SGCD: variants seen among roughly 807,000 people sequenced by gnomAD.
SGCD encodes the protein delta-sarcoglycan.
SGCD carries 18 observed loss-of-function variants against 36.6 expected under a neutral mutation model. The observed-to-expected ratio is 0.49, with a 90% CI of 0.34 to 0.73. The LOEUF (loss-of-function observed/expected upper bound fraction) is 0.73. Ranked by LOEUF, SGCD falls within the 30% of genes least tolerant of loss-of-function variation. The probability of loss-of-function intolerance (pLI) is 0.01; values close to 1 mark genes in which losing one functional copy is unlikely to be tolerated. For synonymous variants in SGCD, 133 were observed against 130.6 expected, an observed-to-expected ratio of 1.02 and a Z score of -0.12; for missense variants, 387 against 346.7, an observed-to-expected ratio of 1.12 and a Z score of -0.92.
chr5:156,024,733 A>G (rs1195140970), intron 1 of SGCD, among the ~76,000 whole-genome samples: 1 of 152,154 alleles, frequency 6.6e-6, no homozygotes, highest in Non-Finnish European at 1.5e-5. Context: ...TGAGATGGGC[A>G]GATTGCCTGA....
chr5:156,415,715 C>G (rs1772995637), intron 3 of SGCD, among the ~76,000 whole-genome samples: 1 of 152,090 alleles, frequency 6.6e-6, no homozygotes. Flanking sequence ...TATTCAATGG[C>G]CTGTCCTCTG....
At chr5:156,289,794 C>T (rs919037978) in intron 3 of SGCD, among the ~76,000 whole-genome samples, 2 of 152,066 alleles carry the variant, frequency 1.3e-5, no homozygotes, top group Non-Finnish European at 2.9e-5. Flanking sequence ...GCCAGGATTA[C>T]AGGTGTGAGC....
chr5:156,687,176 A>G (rs1753934396), intron 7 of SGCD, among the ~76,000 whole-genome samples: 1 of 152,214 alleles, frequency 6.6e-6, no homozygotes. Context: ...AGGGCAGGCT[A>G]GAGGCTGAGG....
At chr5:156,359,830 C>G (rs1219391909) in intron 3 of SGCD, among the ~76,000 whole-genome samples, 2 of 152,178 alleles carry the variant, frequency 1.3e-5, no homozygotes, top group African/African-American at 2.4e-5. Context: ...ATTGTTTTCT[C>G]TTTGTGTTTT....
At chr5:156,448,518 G>A (rs1459237604) in intron 3 of SGCD, among the ~76,000 whole-genome samples, 1 of 152,016 alleles carries the variant, frequency 6.6e-6, no homozygotes, top group Non-Finnish European at 1.5e-5. Flanking sequence ...CATCTTTTCA[G>A]GGTTCAGAAG....
chr5:156,209,179 C>T (rs1171514185), intron 3 of SGCD, among the ~76,000 whole-genome samples: 3 of 152,190 alleles, frequency 2.0e-5, no homozygotes, highest in Non-Finnish European at 2.9e-5. Context: ...CAGAATTTCA[C>T]AGCCTCTGGC....
intron 1 of SGCD, among the ~76,000 whole-genome samples, chr5:155,917,382 T>C (rs1196867835): frequency 6.6e-6 from 1 of 152,192 alleles, no homozygotes; most frequent in East Asian, 1.9e-4. Context: ...AATGGATAGT[T>C]GGTTGCATAT....
chr5:156,111,108 A>C (rs966929068), intron 1 of SGCD, among the ~76,000 whole-genome samples: 1 of 152,200 alleles, frequency 6.6e-6, no homozygotes, highest in Admixed American at 6.6e-5. Flanking sequence ...AATGAGAAAA[A>C]AGAAGAGAGG....
chr5:156,224,558 C>T (rs1218010070), intron 3 of SGCD, among the ~76,000 whole-genome samples: 2 of 152,014 alleles, frequency 1.3e-5, no homozygotes, highest in Non-Finnish European at 2.9e-5. Flanking sequence ...TTTAAGTTTA[C>T]GAAATGGCAG....
At chr5:156,616,161 C>G (rs531555622) in intron 6 of SGCD, among the ~76,000 whole-genome samples, 1 of 152,178 alleles carries the variant, frequency 6.6e-6, no homozygotes, top group African/African-American at 2.4e-5. Flanking sequence ...TGTATTCTGT[C>G]TTCAGCTCTG....
chr5:155,972,892 C>T (rs1469569615), intron 1 of SGCD, among the ~76,000 whole-genome samples: 3 of 152,092 alleles, frequency 2.0e-5, no homozygotes, highest in African/African-American at 7.2e-5. Flanking sequence ...TGCCCCTTGC[C>T]CATTTTTCAA....
At chr5:156,399,911 T>A (rs974887223) in intron 3 of SGCD, among the ~76,000 whole-genome samples, 1 of 152,168 alleles carries the variant, frequency 6.6e-6, no homozygotes, top group Non-Finnish European at 1.5e-5. Flanking sequence ...GACAATCATG[T>A]GATGAAAATA....
intron 6 of SGCD, among the ~76,000 whole-genome samples, chr5:156,597,281 A>G (rs571905408): frequency 2.7e-5 from 4 of 150,856 alleles, no homozygotes; most frequent in Admixed American, 2.0e-4. Context: ...AGGCGAGTAT[A>G]TTAGTCTGTT....
the SGCD span, among the ~76,000 whole-genome samples, chr5:155,827,650 A>G: frequency 1.3e-5 from 2 of 150,286 alleles, no homozygotes; most frequent in African/African-American, 2.4e-5. Context: ...AGCCGGGCAC[A>G]TAGCCTCTTC....
At chr5:155,949,318 G>A (rs1342850761) in intron 1 of SGCD, among the ~76,000 whole-genome samples, 1 of 152,148 alleles carries the variant, frequency 6.6e-6, no homozygotes, top group East Asian at 1.9e-4. Flanking sequence ...AGTGTCAAAT[G>A]ACCTTCATAA....
intron 1 of SGCD, among the ~76,000 whole-genome samples, chr5:155,939,235 T>C (rs1412934907): frequency 6.6e-6 from 1 of 152,226 alleles, no homozygotes; most frequent in African/African-American, 2.4e-5. Flanking sequence ...ATGATAAGTA[T>C]GTGAGGTAAT....
chr5:155,819,098 C>A, the SGCD span, among the ~76,000 whole-genome samples: 6 of 152,220 alleles, frequency 3.9e-5, no homozygotes, highest in Non-Finnish European at 7.4e-5. Context: ...GTAAATCTGC[C>A]TCTCTGGGAC....
rs541347123 is a variant in SGCD at position 156,143,200 on chromosome 5, G to T, written c.-44+19181G>T. ...TCAAAGAGTGCAAACTGTAAGCCTT[G>T]GTGGTTTCCACATGTTGTTAAGCCT... On this transcript the variant is annotated intron_variant, in intron 3 of 9. Coordinates refer to the SGCD transcript ENST00000517913. 3.3e-5 allele frequency among the ~76,000 whole-genome samples: 5 copies of T among 152,308 alleles called. No individual in the cohort carries two copies. The South Asian group carries it at 1.0e-3, about 32-fold the overall frequency.
chr5:156,115,860 C>T (rs1761894218), intron 1 of SGCD, among the ~76,000 whole-genome samples: 1 of 152,044 alleles, frequency 6.6e-6, no homozygotes, highest in Non-Finnish European at 1.5e-5. Context: ...ACCTGGATTT[C>T]CTATAAGTGA....
Sources: gnomAD v4.1 joint callset for allele counts (sites outside exome capture counted in the v4.1 genomes callset) on GRCh38, gnomAD v4.1.1 for gene constraint, MANE v1.5 for transcripts, NCBI Gene and HGNC (gene_info 2026-07-23, HGNC 2026-07-21) for gene names.